TECPR2: variants seen among roughly 807,000 people sequenced by gnomAD.
TECPR2 encodes tectonin beta-propeller repeat containing 2.
A neutral mutation model predicts 138.1 loss-of-function variants in TECPR2; 65 were observed. The observed-to-expected ratio is 0.47, with a 90% CI of 0.39 to 0.58. The LOEUF is 0.58. TECPR2 is among the 20% of genes least tolerant of loss of function. TECPR2 has a pLI of 0.00. For synonymous variants in TECPR2, 746 were observed against 749.8 expected, an observed-to-expected ratio of 0.99 and a Z score of 0.08; for missense variants, 1,553 against 1,824.5, an observed-to-expected ratio of 0.85 and a Z score of 2.71.
chr14:102,414,524 A>G, intron 4 of TECPR2, 112 bp from the exon 5 acceptor site: 1 of 1,288,106 alleles, frequency 7.8e-7, no homozygotes, highest in Non-Finnish European at 1.1e-6. Context: ...GCGTTAAGTA[A>G]GGTGCAAGCT....
intron 17 of TECPR2, among the ~76,000 whole-genome samples, chr14:102,477,717 ATT>A (rs35417768): frequency 2.0e-4 from 24 of 117,186 alleles, no homozygotes; most frequent in Non-Finnish European, 3.1e-4. Context: ...TGCCCGGCAA[ATT>A]TTTTTTTTTT....
chr14:102,377,178 C>T (rs1487058259), intron 2 of TECPR2, among the ~76,000 whole-genome samples: 2 of 152,176 alleles, frequency 1.3e-5, no homozygotes, highest in Non-Finnish European at 2.9e-5. Flanking sequence ...TTATTTGAGA[C>T]AGCGTCTCGC....
intron 1 of TECPR2, among the ~76,000 whole-genome samples, chr14:102,367,184 G>A (rs563158017): frequency 6.6e-6 from 1 of 152,200 alleles, no homozygotes; most frequent in East Asian, 1.9e-4. Flanking sequence ...GTTTTGAGTA[G>A]AATGGGTAGT....
At chr14:102,393,815 C>T (rs920122138) in intron 2 of TECPR2, among the ~76,000 whole-genome samples, 10 of 152,172 alleles carry the variant, frequency 6.6e-5, no homozygotes, top group Admixed American at 1.3e-4. Context: ...CCGCCTCGGC[C>T]TCCCAAAGTG....
intron 3 of TECPR2, 23 bp downstream of exon 3, chr14:102,407,489 C>A: frequency 1.3e-6 from 2 of 1,585,018 alleles, no homozygotes; most frequent in Non-Finnish European, 1.7e-6. Context: ...GATCTTAACA[C>A]GTGTTAACTT....
chr14:102,406,319 C>T (rs1285141958), intron 2 of TECPR2, among the ~76,000 whole-genome samples: 1 of 151,970 alleles, frequency 6.6e-6, no homozygotes, highest in Non-Finnish European at 1.5e-5. Context: ...GAGGCCAAGG[C>T]GGGCAGATCA....
At chr14:102,375,139 G>A (rs908893145) in intron 1 of TECPR2, among the ~76,000 whole-genome samples, 1 of 152,202 alleles carries the variant, frequency 6.6e-6, no homozygotes, top group East Asian at 1.9e-4. Context: ...AGTAAGCCAT[G>A]ATTGAGACCA....
At chr14:102,458,113 A>G (rs1263249636) in intron 16 of TECPR2, among the ~76,000 whole-genome samples, 2 of 151,818 alleles carry the variant, frequency 1.3e-5, no homozygotes, top group African/African-American at 2.4e-5. Flanking sequence ...ACCTCAGGTG[A>G]TCCACCCGCC....
At chr14:102,407,950 T>A (rs906263472) in intron 3 of TECPR2, among the ~76,000 whole-genome samples, 2 of 150,686 alleles carry the variant, frequency 1.3e-5, no homozygotes, top group Non-Finnish European at 2.9e-5. Flanking sequence ...TGAGCGGAGA[T>A]CACGCCACTG....
In TECPR2 at chr14:102,432,070, C is replaced by T; in HGVS notation, c.1359C>T (p.Asp453=). Residue 453 remains aspartate, a synonymous_variant, in exon 8 of 20, where the codon GAC becomes GAT. Coordinates refer to ENST00000359520, the MANE Select transcript of TECPR2 (RefSeq NM_014844.5). ...ACGCCATCAGCTCAGAGGACTTTGA[C>T]CAGGAGCTTGTCGTGAAGCCTATCA... The part of the protein sequence containing the change: ...RFNAISSEDF[D]QELVVKPIKV... The T allele has an allele frequency of 6.2e-7, 1 of 1,611,246 alleles. No individual in the cohort carries two copies. Among genetic ancestry groups the T allele is most frequent in the African/African-American group, 1.3e-5 (1 of 74,990 alleles).
intron 17 of TECPR2, among the ~76,000 whole-genome samples, chr14:102,472,381 A>G (rs1456582797): frequency 1.3e-5 from 2 of 152,232 alleles, no homozygotes; most frequent in South Asian, 2.1e-4. Context: ...AAAGTGCTCT[A>G]TTGACTGTGG....
intron 5 of TECPR2, among the ~76,000 whole-genome samples, chr14:102,416,971 G>A (rs962723836): frequency 2.0e-5 from 3 of 151,992 alleles, no homozygotes; most frequent in Non-Finnish European, 4.4e-5. Flanking sequence ...GTGACAGAGC[G>A]AGACTTCATC....
rs147180490 is a variant in TECPR2, at chr14:102,409,461, G to A, written c.480+842G>A. ...ATTACAGGGACCTGCCATCATGCCC[G>A]ACTAATTTTTGTATTTTTGTAGAGA... On this transcript the variant is annotated intron_variant, in intron 4 of 19. Transcript: ENST00000359520. 3.8e-3 allele frequency among the ~76,000 whole-genome samples: 585 copies of A among 152,134 alleles called. 3 individuals carry two copies. Among genetic ancestry groups the A allele is most frequent in the African/African-American group, 0.01 (417 of 41,522 alleles).
chr14:102,431,697 CCT>C, intron 7 of TECPR2, 97 bp from the exon 8 acceptor site: 2 of 1,201,154 alleles, frequency 1.7e-6, no homozygotes, highest in Non-Finnish European at 2.3e-6. Flanking sequence ...CTGGCTGGTG[CCT>C]CTGTGACAAC....
chr14:102,411,366 G>A (rs1888854796), intron 4 of TECPR2, among the ~76,000 whole-genome samples: 1 of 152,238 alleles, frequency 6.6e-6, no homozygotes, highest in South Asian at 2.1e-4. Context: ...ATGGCCTGAA[G>A]TAACTGAAGA....
chr14:102,376,631 G>A lies in TECPR2; in HGVS notation c.-72-19G>A. ...GCCATGACTAGGCATTGAAAGGATT[G>A]TAATGCTTTGTTCTGTAGCCCCCAG... On this transcript the variant is annotated intron_variant, in intron 1 of 19. Transcript: ENST00000359520. The A allele has an allele frequency of 8.6e-7, 1 of 1,167,486 alleles. No individual in the cohort carries two copies. 72.3% of individuals were successfully genotyped at this position (1,167,486 alleles called of 1,614,324 possible).
chr14:102,413,353 A>G (rs1022770955), intron 4 of TECPR2, among the ~76,000 whole-genome samples: 14 of 149,710 alleles, frequency 9.4e-5, no homozygotes, highest in Non-Finnish European at 1.9e-4. Flanking sequence ...TATGAAATAT[A>G]CATATATTTC....
At chr14:102,462,362 C>T (rs568403012) in intron 16 of TECPR2, among the ~76,000 whole-genome samples, 14 of 152,118 alleles carry the variant, frequency 9.2e-5, no homozygotes, top group South Asian at 2.1e-4. Context: ...GTTTAAACTC[C>T]CCGGTAAAAC....
At position 102,434,275 on chromosome 14, in the gene TECPR2, G is replaced by C. The variant is rs775531821; in HGVS notation, c.1458G>C (p.Ser486=). 1 of 1,383,604 alleles carries C rather than the reference G, an allele frequency of 7.2e-7. No individual in the cohort carries two copies. Among genetic ancestry groups the C allele is most frequent in the Admixed American group, 2.7e-5 (1 of 37,524 alleles). 85.7% of individuals were successfully genotyped at this position (1,383,604 alleles called of 1,614,324 possible). A position where few individuals can be genotyped will look rare whatever the true frequency, so the allele number is the denominator to read the frequency against. Residue 486 remains serine (S), a synonymous_variant, in exon 9 of 20, where the codon TCG becomes TCC. Coordinates refer to ENST00000359520, the MANE Select transcript of TECPR2 (RefSeq NM_014844.5). ...SRSTCHSSLE[S]TPCSEFPGDS... The stretch of plus-strand genomic sequence containing the variant: ...GCACCTGTCACAGCTCCCTGGAATC[G>C]ACACCCTGCTCCGAATTTCCTGGGG...
Sources: gnomAD v4.1 joint callset for allele counts (sites outside exome capture counted in the v4.1 genomes callset) on GRCh38, gnomAD v4.1.1 for gene constraint, MANE v1.5 for transcripts, NCBI Gene and HGNC (gene_info 2026-07-23, HGNC 2026-07-21) for gene names.